CACNA1C: variants seen among roughly 807,000 people sequenced by gnomAD.
CACNA1C encodes the protein calcium voltage-gated channel subunit alpha1 C, also known as voltage-dependent L-type calcium channel subunit alpha-1C.
In CACNA1C, 30 loss-of-function variants were observed where a neutral mutation model predicts 229.0. The ratio of observed to expected loss-of-function variants is 0.13; its 90% CI spans 0.10 to 0.18. The LOEUF (loss-of-function observed/expected upper bound fraction) is 0.18. Among genes scored for constraint, CACNA1C ranks in the 10% least tolerant of loss-of-function variants. The pLI is 1.00. For synonymous variants in CACNA1C, 1,114 were observed against 1,132.5 expected, an observed-to-expected ratio of 0.98 and a Z score of 0.33; for missense variants, 1,658 against 2,845.0, an observed-to-expected ratio of 0.58 and a Z score of 9.49.
rs889960543 is a variant in CACNA1C, at chr12:2,585,186, G to T, written c.2340-190G>T. ...GCCAATTGCGTGTCAGGCAGAGCAG[G>T]TGTAGCTCAGCCCCATAGCACTTGT... is the stretch of plus-strand genomic sequence containing the variant. On this transcript the variant is annotated intron_variant, in intron 16 of 46. Coordinates refer to ENST00000399655, the MANE Select transcript of CACNA1C (RefSeq NM_000719.7). This position sits in a 1 kb window ranked among gnomAD's most constrained non-coding sequence, Gnocchi z 4.1. 1.3e-5 allele frequency among the ~76,000 whole-genome samples: 2 copies of T among 152,182 alleles called. No homozygotes were observed. The highest frequency in any genetic ancestry group is 4.8e-5 in the African/African-American group (2 of 41,446).
Position 2,435,693 on chromosome 12 carries a change from G to A in CACNA1C, c.478-13283G>A, listed in dbSNP as rs575534666. Among the ~76,000 whole-genome samples the A allele has an allele frequency of 8.4e-4, 128 of 152,270 alleles. 4 individuals carry two copies. The South Asian group carries it at 0.024, about 29-fold the overall frequency. On this transcript the variant is annotated intron_variant, in intron 3 of 46. Transcript: ENST00000399655. ...GGAGGGAGGCCGTGGCTGGGACATC[G>A]ACCTTGATGGCATTCAGTGCCCTTC... is the stretch of plus-strand genomic sequence containing the variant.
intron 5 of CACNA1C, among the ~76,000 whole-genome samples, chr12:2,464,330 C>T (rs2099535650): frequency 6.6e-6 from 1 of 152,188 alleles, no homozygotes; most frequent in Admixed American, 6.5e-5. Flanking sequence ...ATCAGAACAC[C>T]TGTCCAGTTT....
At chr12:2,178,512 C>T (rs1374488271) in intron 3 of CACNA1C, among the ~76,000 whole-genome samples, 1 of 152,178 alleles carries the variant, frequency 6.6e-6, no homozygotes, top group Admixed American at 6.5e-5. Flanking sequence ...CTTGTGGTAT[C>T]AATGCTCCTG....
At position 2,602,634 on chromosome 12, in the gene CACNA1C, G is replaced by A. The variant is rs955066965; in HGVS notation, c.2960+674G>A. On this transcript the variant is annotated intron_variant, in intron 22 of 46. Transcript: ENST00000399655. The surrounding 1 kb of genome is among the most constrained non-coding windows in gnomAD (Gnocchi z 4.4). ...GTGACTGTGTATATTTGTGTCTTGT[G>A]TGTGTGTGTGTGTGTGTGTGTGTGT... Among the ~76,000 whole-genome samples, 1 of 1,732 alleles carries A rather than the reference G, an allele frequency of 5.8e-4. No individual in the cohort carries two copies. The highest frequency in any genetic ancestry group is 1.4e-3 in the African/African-American group (1 of 736). The allele number at this position is 1,732 out of a possible 152,430, so 1.1% of individuals were successfully genotyped here.
intron 1 of CACNA1C, among the ~76,000 whole-genome samples, chr12:2,072,079 T>C (rs1425808864): frequency 2.0e-5 from 3 of 152,180 alleles, no homozygotes; most frequent in African/African-American, 7.2e-5. Context: ...AATATACCTC[T>C]GCTTGGCTTG....
At chr12:2,340,620 G>T in intron 3 of CACNA1C, among the ~76,000 whole-genome samples, 1 of 152,228 alleles carries the variant, frequency 6.6e-6, no homozygotes, top group East Asian at 1.9e-4. Context: ...CCCTGGAAAT[G>T]TATTGAGAGG....
intron 1 of CACNA1C, among the ~76,000 whole-genome samples, chr12:2,065,233 G>A (rs1398201043): frequency 1.3e-5 from 2 of 152,188 alleles, no homozygotes; most frequent in Non-Finnish European, 2.9e-5. Context: ...TTGGTCTGTC[G>A]TGAATAGGAT....
intron 1 of CACNA1C, among the ~76,000 whole-genome samples, chr12:2,035,423 G>C (rs1011954012): frequency 1.3e-5 from 2 of 152,250 alleles, no homozygotes; most frequent in African/African-American, 4.8e-5. Context: ...CAGGGAGTGG[G>C]TAGGATGGTG....
intron 1 of CACNA1C, among the ~76,000 whole-genome samples, chr12:2,027,433 C>T (rs2047526130): frequency 6.6e-6 from 1 of 152,210 alleles, no homozygotes; most frequent in South Asian, 2.1e-4. Flanking sequence ...CTGATCCCCG[C>T]AGCTCCTAGA....
intron 22 of CACNA1C, among the ~76,000 whole-genome samples, chr12:2,604,262 G>C (rs183632552): frequency 6.6e-6 from 1 of 152,196 alleles, no homozygotes; most frequent in Non-Finnish European, 1.5e-5. Flanking sequence ...GAGAGGAGAA[G>C]GGGACTGAGA....
chr12:2,433,961 A>T (rs540173053), intron 3 of CACNA1C, among the ~76,000 whole-genome samples: 11 of 152,330 alleles, frequency 7.2e-5, no homozygotes, highest in African/African-American at 2.4e-4. Flanking sequence ...TGATTTTTAA[A>T]AAAAGTTCCC....
At chr12:1,996,657 AACAAAC>A (rs2040979102) in intron 1 of CACNA1C, among the ~76,000 whole-genome samples, 4 of 20,058 alleles carry the variant, frequency 2.0e-4, no homozygotes, top group African/African-American at 1.7e-3. Flanking sequence ...AAAAAAAAAC[AACAAAC>A]TCTTCTAATG....
At chr12:2,546,424 T>A (rs1216079870) in intron 9 of CACNA1C, among the ~76,000 whole-genome samples, 1 of 152,232 alleles carries the variant, frequency 6.6e-6, no homozygotes, top group Non-Finnish European at 1.5e-5. Context: ...CAGTAGCTGA[T>A]GTCTTCACAC....
chr12:2,083,576 C>G (rs2154058484), intron 1 of CACNA1C, among the ~76,000 whole-genome samples: 1 of 152,284 alleles, frequency 6.6e-6, no homozygotes, highest in South Asian at 2.1e-4. Context: ...CTCAGTTTCC[C>G]CAGCTGTAGA....
intron 5 of CACNA1C, among the ~76,000 whole-genome samples, chr12:2,464,999 C>G (rs1481810899): frequency 1.3e-5 from 2 of 152,244 alleles, no homozygotes; most frequent in Admixed American, 6.5e-5. Context: ...GACTCTGTAC[C>G]CTTAGGGAAG....
Position 2,688,701 on chromosome 12 carries a change from C to G in CACNA1C, c.6039C>G (p.Pro2013=), listed in dbSNP as rs780157730. 3 of 1,611,346 alleles carry G rather than the reference C, an allele frequency of 1.9e-6. No individual in the cohort carries two copies. Among genetic ancestry groups the G allele is most frequent in the Non-Finnish European group, 2.5e-6 (3 of 1,179,070 alleles). The change falls in exon 46 of 47, where the codon CCC becomes CCG. Residue 2013 remains proline (P), a synonymous_variant. Transcript: ENST00000399655. ...GGSSAARRVR[P]VSLMVPSQAG... ...GCAGCGCCGCCCGGAGAGTCCGGCC[C>G]GTCTCCCTCATGGTGCCCAGCCAGG...
At chr12:2,555,438 C>G (rs1301692791) in intron 10 of CACNA1C, among the ~76,000 whole-genome samples, 1 of 152,246 alleles carries the variant, frequency 6.6e-6, no homozygotes, top group Non-Finnish European at 1.5e-5. Flanking sequence ...TTATGGTTAA[C>G]AGCAAGGGGA....
chr12:2,371,656 C>T (rs780032329), intron 3 of CACNA1C, among the ~76,000 whole-genome samples: 1 of 150,212 alleles, frequency 6.7e-6, no homozygotes, highest in East Asian at 1.9e-4. Flanking sequence ...TTCTTAAGCC[C>T]GATGGTACAG....
At chr12:2,341,521 A>T (rs1381436941) in intron 3 of CACNA1C, among the ~76,000 whole-genome samples, 1 of 152,188 alleles carries the variant, frequency 6.6e-6, no homozygotes, top group African/African-American at 2.4e-5. Flanking sequence ...CGTTTCACAC[A>T]GGTAGCCACA....
Sources: gnomAD v4.1 joint callset for allele counts (sites outside exome capture counted in the v4.1 genomes callset) on GRCh38, gnomAD v4.1.1 for gene constraint, Gnocchi (gnomAD v3.1) non-coding constraint, MANE v1.5 for transcripts, NCBI Gene and HGNC (gene_info 2026-07-23, HGNC 2026-07-21) for gene names.